The following MADD variants were observed in gnomAD, a reference collection of about 807,000 sequenced individuals.
MADD encodes the protein MAP kinase-activating death domain protein.
Under a neutral mutation model 176.7 loss-of-function variants are expected in MADD, and 109 were observed. The ratio of observed to expected loss-of-function variants is 0.62; its 90% CI spans 0.53 to 0.72. The LOEUF (loss-of-function observed/expected upper bound fraction) is 0.72, where lower values mean the gene tolerates loss of function less well. Among genes scored for constraint, MADD ranks in the 30% least tolerant of loss-of-function variants. The pLI is 0.00. For missense variants in MADD, 1,914 were observed against 2,045.5 expected, an observed-to-expected ratio of 0.94 and a Z score of 1.24; for synonymous variants, 771 against 771.3, an observed-to-expected ratio of 1.00 and a Z score of 0.01.
chr11:47,315,245 C>T (rs1454229038), exon 27 of MADD: 6 of 1,613,246 alleles, frequency 3.7e-6, no homozygotes, highest in South Asian at 1.1e-5. Flanking sequence ...TCTATCTGGT[C>T]CAGTGGCAGC....
At chr11:47,290,684 C>T (rs369513528) in exon 19 of MADD, 12 of 1,613,950 alleles carry the variant, frequency 7.4e-6, no homozygotes, top group Middle Eastern at 1.6e-4. Context: ...CCTAGCTGGG[C>T]GGGGGGACCC....
chr11:47,276,770 G>A, exon 5 of MADD: 1 of 1,614,196 alleles, frequency 6.2e-7, no homozygotes, highest in Non-Finnish European at 8.5e-7. Context: ...CACTCTCCAT[G>A]TCTGTGATGG....
rs11039182 is a variant in MADD at position 47,325,172 on chromosome 11, T to C, written c.4542+595T>C. On this transcript the variant is annotated intron_variant, in intron 30 of 32. Coordinates refer to ENST00000402192, the Ensembl canonical transcript of MADD. The surrounding 1 kb of genome is among the most constrained non-coding windows in gnomAD (Gnocchi z 4.5). ...ACAGGCCCCATTCCCTTTCTTTTGA[T>C]TGGGGAGCACTTGTGGATACATCTT... The C allele has an allele frequency of 0.19, 32,935 of 175,166 alleles. 4,140 individuals are homozygous for C. Among genetic ancestry groups the C allele is most frequent in the Non-Finnish European group, 0.27 (22,403 of 82,658 alleles). The allele number at this position is 175,166 out of a possible 1,614,324, so 10.9% of individuals were successfully genotyped here. A position where few individuals can be genotyped will look rare whatever the true frequency, so the allele number is the denominator to read the frequency against.
chr11:47,304,824 ATGTCTCTG>A (rs764426279), intron 22 of MADD, among the ~76,000 whole-genome samples: 22 of 151,550 alleles, frequency 1.5e-4, no homozygotes, highest in Non-Finnish European at 2.8e-4. Context: ...CATGTTTCTT[ATGTCTCTG>A]TGTTGATACC....
intron 27 of MADD, among the ~76,000 whole-genome samples, chr11:47,319,114 A>AAT (rs145592479): frequency 8.6e-4 from 116 of 135,020 alleles, no homozygotes; most frequent in East Asian, 5.9e-3. Flanking sequence ...GGCCAAGGAA[A>AAT]ATATATATAT....
At chr11:47,307,383 T>C (rs2083688289) in intron 22 of MADD, among the ~76,000 whole-genome samples, 1 of 152,222 alleles carries the variant, frequency 6.6e-6, no homozygotes, top group African/African-American at 2.4e-5. Context: ...TCTATGCTGG[T>C]GAGCAAGGGC....
At chr11:47,281,819 T>A in intron 8 of MADD, 66 bp downstream of exon 8, 1 of 1,193,544 alleles carries the variant, frequency 8.4e-7, no homozygotes, top group Non-Finnish European at 1.1e-6. Context: ...TAAGGGACCT[T>A]GGGGCAGACT....
intron 12 of MADD, 77 bp from the exon 13 acceptor site, chr11:47,284,864 C>T: frequency 6.3e-7 from 1 of 1,576,758 alleles, no homozygotes; most frequent in Non-Finnish European, 8.6e-7. Context: ...AGGCCTGGTC[C>T]AGCCCTGCCA....
chr11:47,306,645 G>GC (rs921736498), intron 22 of MADD, among the ~76,000 whole-genome samples: 5 of 151,848 alleles, frequency 3.3e-5, no homozygotes, highest in African/African-American at 4.8e-5. Context: ...GAAGGGGGAT[G>GC]GGGGGGAGGC....
chr11:47,291,133 T>C (rs2064871101), intron 19 of MADD, among the ~76,000 whole-genome samples: 1 of 152,150 alleles, frequency 6.6e-6, no homozygotes, highest in Non-Finnish European at 1.5e-5. Context: ...CTTCACATAG[T>C]GGAGAGAATT....
chr11:47,313,328 A>G (rs1365355641), intron 26 of MADD, among the ~76,000 whole-genome samples: 1 of 149,590 alleles, frequency 6.7e-6, no homozygotes. Context: ...TTTTTTGGAG[A>G]CGGAGTCTCG....
chr11:47,275,984 G>A lies in MADD; in HGVS notation c.745G>A (p.Ala249Thr), dbSNP rs189937219. Residue 249 changes from alanine (A) to threonine (T), a missense_variant, in exon 4 of 33, where the codon GCC (alanine) becomes ACC (threonine). Physicochemically the swap from Ala to Thr is moderately conservative, Grantham distance 58. This residue lies in a region of MADD where 1,767 missense variants were observed against 1,836.0 expected (regional missense o/e 0.96). Coordinates refer to ENST00000402192, the Ensembl canonical transcript of MADD. The stretch of plus-strand genomic sequence containing the variant: ...TCTGCATGACCTTCGAGAGATTGAG[G>A]CCTGGATCTATCGATTGCTGCGCTC... The A allele has an allele frequency of 1.9e-6, 3 of 1,614,164 alleles. No individual in the cohort carries two copies. The Admixed American group carries it at 5.0e-5, about 27-fold the overall frequency.
At chr11:47,276,177 T>C in exon 4 of MADD, 1 of 1,612,236 alleles carries the variant, frequency 6.2e-7, no homozygotes, top group Non-Finnish European at 8.5e-7. Context: ...CTCCAGGTGC[T>C]AACCTGCATT....
chr11:47,285,102 C>G (rs1236564430), exon 13 of MADD: 2 of 1,614,110 alleles, frequency 1.2e-6, no homozygotes, highest in South Asian at 2.2e-5. Context: ...ATCCATACTT[C>G]GAGCCCCAAT....
chr11:47,327,043 A>G, intron 31 of MADD: 1 of 1,284,818 alleles, frequency 7.8e-7, no homozygotes, highest in Non-Finnish European at 9.9e-7. Flanking sequence ...TCGAGTTTAG[A>G]GGTGGTCCTG....
At chr11:47,323,922 C>G in intron 28 of MADD, 87 bp downstream of exon 31, 1 of 1,430,304 alleles carries the variant, frequency 7.0e-7, no homozygotes, top group Non-Finnish European at 9.6e-7. Flanking sequence ...AATTCCAAAA[C>G]ACACATCTGG....
In MADD at chr11:47,308,105, G is replaced by C. The variant is rs562306713; in HGVS notation, c.3643-486G>C. On this transcript the variant is annotated intron_variant, in intron 22 of 32. Coordinates refer to ENST00000402192, the Ensembl canonical transcript of MADD. ...ACTGGCCAGGTGCTAGGCACTGTTA[G>C]GTGCCTTATATGTATCTTCAAATTT... Among the ~76,000 whole-genome samples the C allele has an allele frequency of 2.0e-5, 3 of 152,352 alleles. No homozygotes were observed. The South Asian group carries it at 6.2e-4, about 32-fold the overall frequency.
At chr11:47,309,686 G>A (rs535448451) in intron 25 of MADD, 74 bp downstream of exon 28, 57 of 1,150,764 alleles carry the variant, frequency 5.0e-5, no homozygotes, top group Non-Finnish European at 2.2e-5. Flanking sequence ...CCTAAATTTC[G>A]GGGTAGCTGG....
chr11:47,276,022 C>T (rs1411447736), exon 4 of MADD: 1 of 1,614,232 alleles, frequency 6.2e-7, no homozygotes, highest in Non-Finnish European at 8.5e-7. Context: ...CAGTACCCGT[C>T]TCTGGGCAGA....
Sources: allele counts gnomAD v4.1 joint callset (sites outside exome capture counted in the v4.1 genomes callset), GRCh38; gene constraint gnomAD v4.1.1; regional missense constraint gnomAD v4.1.1; non-coding constraint Gnocchi (gnomAD v3.1); transcripts MANE v1.5; gene names NCBI Gene and HGNC (gene_info 2026-07-23, HGNC 2026-07-21).